The following SLC24A3 variants were observed in gnomAD, a reference collection of about 807,000 sequenced individuals.
The protein encoded by SLC24A3 is sodium/potassium/calcium exchanger 3.
Under a neutral mutation model 75.8 loss-of-function variants are expected in SLC24A3, and 28 were observed. The ratio of observed to expected loss-of-function variants is 0.37; its 90% CI spans 0.27 to 0.51. The LOEUF (loss-of-function observed/expected upper bound fraction) is 0.51, where lower values mean the gene tolerates loss of function less well. Among genes scored for constraint, SLC24A3 ranks in the 20% least tolerant of loss-of-function variants. SLC24A3 has a pLI of 0.94. For synonymous variants in SLC24A3, 372 were observed against 334.1 expected (o/e 1.11, Z -1.24); for missense variants, 663 against 847.8 (o/e 0.78, Z 2.71).
intron 2 of SLC24A3, among the ~76,000 whole-genome samples, chr20:19,494,454 A>C (rs1033665142): frequency 6.6e-6 from 1 of 152,210 alleles, no homozygotes; most frequent in African/African-American, 2.4e-5. Context: ...AAGTAATGAA[A>C]TCATCTGGGA....
At chr20:19,681,182 C>G (rs2032611537) in intron 9 of SLC24A3, among the ~76,000 whole-genome samples, 1 of 152,212 alleles carries the variant, frequency 6.6e-6, no homozygotes, top group Non-Finnish European at 1.5e-5. Flanking sequence ...GCTGGGGCAT[C>G]TAAGGAACAC....
chr20:19,265,575 A>T (rs1983143139), intron 1 of SLC24A3, among the ~76,000 whole-genome samples: 1 of 152,216 alleles, frequency 6.6e-6, no homozygotes, highest in African/African-American at 2.4e-5. Flanking sequence ...AGGTGCTCTT[A>T]GAAAAAAGCC....
intron 3 of SLC24A3, among the ~76,000 whole-genome samples, chr20:19,572,077 C>G (rs1407115647): frequency 1.3e-5 from 2 of 152,164 alleles, no homozygotes; most frequent in Non-Finnish European, 2.9e-5. Context: ...TGGCTCACAC[C>G]TGTAATCCCA....
At chr20:19,241,728 T>A (rs1214337476) in intron 1 of SLC24A3, among the ~76,000 whole-genome samples, 2 of 152,306 alleles carry the variant, frequency 1.3e-5, no homozygotes, top group East Asian at 3.9e-4. Context: ...TCTTCTTGGC[T>A]GAGTTGGAGA....
At chr20:19,630,825 C>A (rs757784907) in intron 6 of SLC24A3, among the ~76,000 whole-genome samples, 1 of 152,028 alleles carries the variant, frequency 6.6e-6, no homozygotes, top group Non-Finnish European at 1.5e-5. Context: ...GAAAACATAC[C>A]CTAGGACCAG....
At chr20:19,226,954 C>A (rs1224480544) in intron 1 of SLC24A3, among the ~76,000 whole-genome samples, 1 of 152,134 alleles carries the variant, frequency 6.6e-6, no homozygotes, top group African/African-American at 2.4e-5. Context: ...TGTCAGAAGT[C>A]TTTGACAATC....
chr20:19,683,399 T>A (rs1307337814), intron 10 of SLC24A3, among the ~76,000 whole-genome samples: 1 of 152,238 alleles, frequency 6.6e-6, no homozygotes, highest in Non-Finnish European at 1.5e-5. Flanking sequence ...TACAGCTCAT[T>A]CATAGAGAGG....
intron 7 of SLC24A3, among the ~76,000 whole-genome samples, chr20:19,656,516 A>G (rs1171287920): frequency 6.6e-6 from 1 of 152,218 alleles, no homozygotes; most frequent in Non-Finnish European, 1.5e-5. Flanking sequence ...AGGCTTCTCT[A>G]ATACCCCTTC....
intron 1 of SLC24A3, among the ~76,000 whole-genome samples, chr20:19,236,413 A>G (rs1982170030): frequency 1.3e-5 from 2 of 152,108 alleles, no homozygotes; most frequent in African/African-American, 2.4e-5. Flanking sequence ...ACCGGCCCAT[A>G]TATCATAGTA....
At chr20:19,299,382 A>C (rs1212589388) in intron 2 of SLC24A3, among the ~76,000 whole-genome samples, 1 of 152,206 alleles carries the variant, frequency 6.6e-6, no homozygotes, top group East Asian at 1.9e-4. Flanking sequence ...ACCTAGGTCT[A>C]GAATGAGAGG....
At chr20:19,292,177 A>G (rs1983957771) in intron 2 of SLC24A3, among the ~76,000 whole-genome samples, 1 of 152,202 alleles carries the variant, frequency 6.6e-6, no homozygotes. Flanking sequence ...TTGGTGGAAC[A>G]AAGCGTGTCA....
At chr20:19,605,398 A>G (rs1338783323) in intron 6 of SLC24A3, among the ~76,000 whole-genome samples, 1 of 152,114 alleles carries the variant, frequency 6.6e-6, no homozygotes, top group Admixed American at 6.5e-5. Flanking sequence ...AGCTTTCTCT[A>G]CGAAAGAGGT....
chr20:19,491,300 C>A (rs1988206017), intron 2 of SLC24A3, among the ~76,000 whole-genome samples: 1 of 152,224 alleles, frequency 6.6e-6, no homozygotes, highest in African/African-American at 2.4e-5. Context: ...GTTTCCTGCA[C>A]ATTGAATCCT....
intron 2 of SLC24A3, among the ~76,000 whole-genome samples, chr20:19,422,187 T>A (rs1986928902): frequency 6.6e-6 from 1 of 151,790 alleles, no homozygotes; most frequent in Non-Finnish European, 1.5e-5. Context: ...AATCTAAGTC[T>A]CCCCCACATG....
intron 15 of SLC24A3, among the ~76,000 whole-genome samples, chr20:19,701,560 T>C (rs1471851791): frequency 6.6e-6 from 1 of 152,074 alleles, no homozygotes; most frequent in Non-Finnish European, 1.5e-5. Flanking sequence ...TAAAAAATAT[T>C]TAGTGGCTTT....
intron 1 of SLC24A3, among the ~76,000 whole-genome samples, chr20:19,252,005 T>C (rs1982671428): frequency 6.6e-6 from 1 of 152,154 alleles, no homozygotes; most frequent in African/African-American, 2.4e-5. Flanking sequence ...TAATGGGATG[T>C]ATAGACCACA....
intron 6 of SLC24A3, among the ~76,000 whole-genome samples, chr20:19,620,286 A>G (rs1311194894): frequency 6.6e-6 from 1 of 152,202 alleles, no homozygotes; most frequent in African/African-American, 2.4e-5. Flanking sequence ...AGAAATGATG[A>G]TTGGGGAGTC....
At position 19,560,084 on chromosome 20, in the gene SLC24A3, C is replaced by G. The variant is rs547203636; in HGVS notation, c.349-19916C>G. Among the ~76,000 whole-genome samples, 10 of 152,254 alleles carry G rather than the reference C, an allele frequency of 6.6e-5. No homozygotes were observed. In the East Asian group the frequency reaches 1.9e-3, roughly 29 times the overall value. Reference sequence around the variant, plus strand: ...TTCATGAGATACAAGCCCACTCCAGCACAGCCCCAGGTGCAGGTAGTTTAT... The same window carrying G: ...TTCATGAGATACAAGCCCACTCCAGGACAGCCCCAGGTGCAGGTAGTTTAT... On this transcript the variant is annotated intron_variant, in intron 3 of 16. Coordinates refer to ENST00000328041, the MANE Select transcript of SLC24A3 (RefSeq NM_020689.4).
At chr20:19,693,074 T>C (rs965420042) in intron 12 of SLC24A3, 185 bp from the exon 13 acceptor site, 1 of 600,550 alleles carries the variant, frequency 1.7e-6, no homozygotes, top group East Asian at 3.0e-5. Flanking sequence ...TAATTCTGTT[T>C]GGTGTTGCAT....
Sources: allele counts gnomAD v4.1 joint callset (sites outside exome capture counted in the v4.1 genomes callset), GRCh38; gene constraint gnomAD v4.1.1; transcripts MANE v1.5; gene names NCBI Gene and HGNC (gene_info 2026-07-23, HGNC 2026-07-21).